Variants in EVC observed in about 807,000 individuals in gnomAD.
The protein encoded by EVC is evC complex member EVC.
A neutral mutation model predicts 118.9 loss-of-function variants in EVC; 116 were observed. That is an observed-to-expected ratio of 0.98 (90% confidence interval 0.84 to 1.14). The LOEUF is 1.14. EVC is among the 50% of genes most tolerant of loss of function. The pLI is 0.00. For missense variants in EVC, 1,401 were observed against 1,246.4 expected (o/e 1.12, Z -1.87); for synonymous variants, 619 against 534.7 (o/e 1.16, Z -2.18).
chr4:5,819,319 G>C, the EVC span, among the ~76,000 whole-genome samples: 1 of 152,184 alleles, frequency 6.6e-6, no homozygotes, highest in Non-Finnish European at 1.5e-5. Flanking sequence ...GGTTGCAGAT[G>C]AATGAATGAG....
intron 3 of EVC, among the ~76,000 whole-genome samples, chr4:5,730,196 G>C (rs1726559879): frequency 6.6e-6 from 1 of 152,026 alleles, no homozygotes; most frequent in Non-Finnish European, 1.5e-5. Flanking sequence ...AGTTGTTTTG[G>C]GTGTTACACA....
intron 1 of EVC, among the ~76,000 whole-genome samples, chr4:5,713,871 CCA>C (rs1483424817): frequency 6.6e-6 from 1 of 152,078 alleles, no homozygotes; most frequent in Non-Finnish European, 1.5e-5. Flanking sequence ...CCATTGCACT[CCA>C]GCCTGGGCAA....
At chr4:5,825,769 T>C in the EVC span, 30 of 1,067,582 alleles carry the variant, frequency 2.8e-5, no homozygotes, top group Non-Finnish European at 3.7e-5. This position sits in a 1 kb window ranked among gnomAD's most constrained non-coding sequence, Gnocchi z 4.4. Context: ...TCACTTCAAA[T>C]GTGCATGCAC....
chr4:5,769,007 G>A (rs17747287), intron 11 of EVC, among the ~76,000 whole-genome samples: 75,362 of 151,952 alleles, frequency 0.5, 19,015 homozygotes, highest in Admixed American at 0.63. Flanking sequence ...CTTTGGGCAT[G>A]ACACTGATCA....
At chr4:5,814,768 C>T (rs971818644), downstream of EVC, among the ~76,000 whole-genome samples, 3 of 151,982 alleles carry the variant, frequency 2.0e-5, no homozygotes, top group Non-Finnish European at 4.4e-5. Flanking sequence ...CCCTGCCCCC[C>T]TCCCCAGCCC....
At chr4:5,801,657 G>C (rs1047896428) in intron 15 of EVC, 4 of 366,712 alleles carry the variant, frequency 1.1e-5, no homozygotes, top group Non-Finnish European at 2.1e-5. Context: ...AGGCAACAGA[G>C]TGAGTCTCCA....
Position 5,798,507 on chromosome 4 carries a change from A to G in EVC, c.2098-79A>G. 1 of 1,429,966 alleles carries G rather than the reference A, an allele frequency of 7.0e-7. No homozygotes were observed. The highest frequency in any genetic ancestry group is 9.6e-7 in the Non-Finnish European group (1 of 1,038,696). The allele number at this position is 1,429,966 out of a possible 1,614,324, so 88.6% of individuals were successfully genotyped here. A position where few individuals can be genotyped will look rare whatever the true frequency, so the allele number is the denominator to read the frequency against. On this transcript the variant is annotated intron_variant, in intron 14 of 20. Coordinates refer to ENST00000264956, the MANE Select transcript of EVC (RefSeq NM_153717.3). The surrounding 1 kb of genome is among the most constrained non-coding windows in gnomAD (Gnocchi z 4.1). ...CAACCCCTGGGCCCTGGATAGGACC[A>G]GCCCCACATCCCAGTCCTGGCCAGA...
chr4:5,737,251 AT>A lies in EVC; in HGVS notation c.702+3819del, dbSNP rs1259558863. On this transcript the variant is annotated intron_variant, in intron 5 of 20. Coordinates refer to ENST00000264956, the MANE Select transcript of EVC (RefSeq NM_153717.3). The surrounding 1 kb of genome is among the most constrained non-coding windows in gnomAD (Gnocchi z 5.0). ...GAGGTGAGGAAGCTGCAGAAGAAAA[AT>A]TTGAAGCTAGCAGAGCATGAGGTTT... Among the ~76,000 whole-genome samples the A allele has an allele frequency of 1.3e-5, 2 of 152,170 alleles. No homozygotes were observed. Among genetic ancestry groups the A allele is most frequent in the Non-Finnish European group, 2.9e-5 (2 of 68,038 alleles).
the EVC span, chr4:5,825,291 C>G: frequency 1.1e-5 from 11 of 985,116 alleles, no homozygotes; most frequent in Non-Finnish European, 1.3e-5. This position sits in a 1 kb window ranked among gnomAD's most constrained non-coding sequence, Gnocchi z 4.4. Context: ...ATGTTGCCCC[C>G]CTAACATGGA....
At chr4:5,822,653 G>T in the EVC span, among the ~76,000 whole-genome samples, 2 of 152,120 alleles carry the variant, frequency 1.3e-5, no homozygotes, top group Admixed American at 1.3e-4. Flanking sequence ...AATCATGAAG[G>T]GTGGATAATG....
chr4:5,741,924 T>C, intron 6 of EVC, 110 bp downstream of exon 6: 1 of 592,758 alleles, frequency 1.7e-6, no homozygotes. Flanking sequence ...CTTATTACAA[T>C]ATATACTTTT....
At position 5,746,608 on chromosome 4, in the gene EVC, G is replaced by A. The variant is rs1729389356; in HGVS notation, c.939+1267G>A. 6.6e-6 allele frequency among the ~76,000 whole-genome samples: 1 copy of A among 152,104 alleles called. No individual in the cohort carries two copies. Among genetic ancestry groups the A allele is most frequent in the South Asian group, 2.1e-4 (1 of 4,816 alleles). On this transcript the variant is annotated intron_variant, in intron 7 of 20. Transcript: ENST00000264956. This position sits in a 1 kb window ranked among gnomAD's most constrained non-coding sequence, Gnocchi z 5.8. Reference sequence around the variant, plus strand: ...TGTGGGCCAGGATGCTAAGGAAGAGGGCCAGCCTGGATTCCGGTGGTCCAC... The same window carrying A: ...TGTGGGCCAGGATGCTAAGGAAGAGAGCCAGCCTGGATTCCGGTGGTCCAC...
the EVC span, chr4:5,821,804 C>T: frequency 1.9e-6 from 3 of 1,611,598 alleles, no homozygotes; most frequent in Non-Finnish European, 2.5e-6. The surrounding 1 kb of genome is among the most constrained non-coding windows in gnomAD (Gnocchi z 4.4). Flanking sequence ...GGGGGCGCCA[C>T]GATGCGGTGG....
intron 5 of EVC, among the ~76,000 whole-genome samples, chr4:5,735,092 C>T (rs574071835): frequency 7.2e-5 from 11 of 152,362 alleles, no homozygotes; most frequent in African/African-American, 2.2e-4. Context: ...GGCCTCTGCA[C>T]ACTGCCAGGC....
Position 5,715,740 on chromosome 4 carries a change from C to CCTTTT in EVC, c.175-3508_175-3507insCTTTT, listed in dbSNP as rs1553860016. On this transcript the variant is annotated intron_variant, in intron 1 of 20. Transcript: ENST00000264956. Reference sequence around the variant, plus strand: ...AATTTCGAAGGCATTTTTCCATTGTCTTTTTTTTTTTTTTTTTTTTTGAGA... The same window carrying CCTTTT: ...AATTTCGAAGGCATTTTTCCATTGTCCTTTTTTTTTTTTTTTTTTTTTTTTTGAGA... 1.7e-3 allele frequency among the ~76,000 whole-genome samples: 118 copies of CCTTTT among 71,010 alleles called. 15 individuals are homozygous for CCTTTT. The highest frequency in any genetic ancestry group is 4.7e-3 in the African/African-American group (98 of 20,752). The allele number at this position is 71,010 out of a possible 152,430, so 46.6% of individuals were successfully genotyped here.
At chr4:5,810,512 T>A in intron 20 of EVC, 62 bp downstream of exon 20, 1 of 1,296,180 alleles carries the variant, frequency 7.7e-7, no homozygotes, top group Non-Finnish European at 1.1e-6. Flanking sequence ...TCAGCTGCTG[T>A]GTGCCAAAAG....
intron 11 of EVC, among the ~76,000 whole-genome samples, chr4:5,774,485 A>G (rs905843105): frequency 6.6e-6 from 1 of 151,962 alleles, no homozygotes; most frequent in African/African-American, 2.4e-5. Flanking sequence ...CAAAGCAGGT[A>G]TTATCAGCCC....
rs1039990678 is a variant in EVC, at chr4:5,737,559, CT to C, written c.702+4127del. On this transcript the variant is annotated intron_variant, in intron 5 of 20. Coordinates refer to ENST00000264956, the MANE Select transcript of EVC (RefSeq NM_153717.3). The surrounding 1 kb of genome is among the most constrained non-coding windows in gnomAD (Gnocchi z 5.0). ...CGCTAGGGGCTAATGCGGGAGATGA[CT>C]TTAAGTTGAAGCCAGTGCTCATGCA... 6.6e-6 allele frequency among the ~76,000 whole-genome samples: 1 copy of C among 152,182 alleles called. No homozygotes were observed.
chr4:5,753,692 C>T, intron 9 of EVC, 93 bp from the exon 10 acceptor site: 2 of 1,551,056 alleles, frequency 1.3e-6, no homozygotes, highest in South Asian at 1.1e-5. Context: ...ACACCAGCTT[C>T]CCCAACCTCC....
Sources: gnomAD v4.1 joint callset for allele counts (sites outside exome capture counted in the v4.1 genomes callset) on GRCh38, gnomAD v4.1.1 for gene constraint, Gnocchi (gnomAD v3.1) non-coding constraint, MANE v1.5 for transcripts, NCBI Gene and HGNC (gene_info 2026-07-23, HGNC 2026-07-21) for gene names.